RBMS3: variants seen among roughly 807,000 people sequenced by gnomAD.
RBMS3 encodes RNA binding motif single stranded interacting protein 3.
A neutral mutation model predicts 66.8 loss-of-function variants in RBMS3; 27 were observed. The observed-to-expected ratio is 0.40, with a 90% confidence interval of 0.30 to 0.56. The LOEUF is 0.56. Ranked by LOEUF, RBMS3 falls within the 20% of genes least tolerant of loss-of-function variation. The pLI is 0.40. For missense variants in RBMS3, 513 were observed against 549.5 expected, an observed-to-expected ratio of 0.93 and a Z score of 0.66; for synonymous variants, 188 against 183.0, an observed-to-expected ratio of 1.03 and a Z score of -0.22.
At chr3:29,776,635 A>G (rs2056436945) in intron 6 of RBMS3, among the ~76,000 whole-genome samples, 1 of 152,054 alleles carries the variant, frequency 6.6e-6, no homozygotes. Flanking sequence ...GGTAGATAGT[A>G]TTAGTAGCAT....
At chr3:29,837,663 C>CATATATATATATAT (rs3070797) in intron 6 of RBMS3, among the ~76,000 whole-genome samples, 40 of 67,640 alleles carry the variant, frequency 5.9e-4, no homozygotes, top group Non-Finnish European at 8.7e-4. Context: ...ATATAATGAA[C>CATATATATATATAT]ATATATATAT....
intron 3 of RBMS3, among the ~76,000 whole-genome samples, chr3:29,568,709 A>G (rs2046828533): frequency 6.6e-6 from 1 of 152,202 alleles, no homozygotes; most frequent in South Asian, 2.1e-4. Context: ...TTCAACTACA[A>G]CAGTTTTCTC....
chr3:29,615,175 T>G (rs901377671), intron 4 of RBMS3: 2 of 152,498 alleles, frequency 1.3e-5, no homozygotes, highest in African/African-American at 4.8e-5. Context: ...TTTTGATAAC[T>G]GGTTCCAGTT....
chr3:29,396,661 C>T (rs1218308432), intron 1 of RBMS3, among the ~76,000 whole-genome samples: 2 of 152,190 alleles, frequency 1.3e-5, no homozygotes, highest in African/African-American at 2.4e-5. Context: ...CAGAGCAGTA[C>T]ATTTTATTAA....
At chr3:29,476,535 C>A (rs2042954093) in intron 2 of RBMS3, among the ~76,000 whole-genome samples, 1 of 152,116 alleles carries the variant, frequency 6.6e-6, no homozygotes, top group Admixed American at 6.5e-5. Flanking sequence ...TATAGTTCCA[C>A]AAGGATTGAT....
chr3:29,782,030 C>A (rs1010990054), intron 6 of RBMS3, among the ~76,000 whole-genome samples: 2 of 150,552 alleles, frequency 1.3e-5, no homozygotes, highest in East Asian at 2.0e-4. Context: ...CCCTGCCCCC[C>A]ACCTGGTGGT....
chr3:29,810,165 T>C (rs1319882458), intron 6 of RBMS3, among the ~76,000 whole-genome samples: 1 of 152,068 alleles, frequency 6.6e-6, no homozygotes, highest in East Asian at 1.9e-4. Context: ...CAATGTTTCC[T>C]TTAAAAAACA....
chr3:29,822,720 A>G (rs1355782526), intron 6 of RBMS3, among the ~76,000 whole-genome samples: 1 of 152,102 alleles, frequency 6.6e-6, no homozygotes, highest in Non-Finnish European at 1.5e-5. Flanking sequence ...ATTTGATTTG[A>G]TTTCCCATTA....
intron 2 of RBMS3, among the ~76,000 whole-genome samples, chr3:29,477,526 A>G (rs2042988448): frequency 6.6e-6 from 1 of 152,192 alleles, no homozygotes; most frequent in African/African-American, 2.4e-5. Context: ...TTGTTAGGAT[A>G]AGAAAAGATA....
chr3:29,578,929 G>A, intron 3 of RBMS3, among the ~76,000 whole-genome samples: 1 of 144,782 alleles, frequency 6.9e-6, no homozygotes, highest in Non-Finnish European at 1.5e-5. Flanking sequence ...AGCCTCCCGA[G>A]TAGCTGGGAC....
At chr3:29,733,839 C>T (rs998435963) in intron 4 of RBMS3, among the ~76,000 whole-genome samples, 6 of 152,090 alleles carry the variant, frequency 3.9e-5, no homozygotes, top group Admixed American at 6.6e-5. Flanking sequence ...ATCCTAAACC[C>T]TTTCCCTTAT....
rs142530521 is a variant in RBMS3, at chr3:29,286,306, T to C, written c.75+4550T>C. On this transcript the variant is annotated intron_variant, in intron 1 of 14. Transcript: ENST00000383767. ...CTTGTTTCTTAGTTTTGTTTTTTTT[T>C]CTTAACTCCCCCAAGCCTTCATTAT... Among the ~76,000 whole-genome samples the C allele has an allele frequency of 2.7e-3, 409 of 152,168 alleles. No homozygotes were observed. The Middle Eastern group carries it at 0.031, about 11-fold the overall frequency.
chr3:29,302,659 A>G (rs994022953), intron 1 of RBMS3, among the ~76,000 whole-genome samples: 5 of 152,062 alleles, frequency 3.3e-5, no homozygotes, highest in African/African-American at 1.2e-4. Flanking sequence ...AAGGAAGACT[A>G]CGCCACAGAA....
chr3:29,490,950 C>T (rs898494754), intron 3 of RBMS3, among the ~76,000 whole-genome samples: 1 of 152,068 alleles, frequency 6.6e-6, no homozygotes, highest in Admixed American at 6.6e-5. Context: ...ACCTGGAAAC[C>T]TCAATAGATA....
At chr3:29,657,505 A>G (rs2050368085) in intron 4 of RBMS3, among the ~76,000 whole-genome samples, 1 of 152,228 alleles carries the variant, frequency 6.6e-6, no homozygotes, top group Non-Finnish European at 1.5e-5. Context: ...TTTGATGGTG[A>G]CAAGCATGCC....
At chr3:29,448,221 G>C (rs2041899822) in intron 2 of RBMS3, among the ~76,000 whole-genome samples, 1 of 152,168 alleles carries the variant, frequency 6.6e-6, no homozygotes. Context: ...CCAGAAAAAG[G>C]CCATAAGCAG....
Position 30,007,805 on chromosome 3 carries a change from T to A in RBMS3, c.*3943T>A, listed in dbSNP as rs1228902294. ...GGTAGATTTCAACATTTCAGAATGT[T>A]ACCTCCAAATTTCACTTGAATTACT... On this transcript the variant is annotated 3_prime_UTR_variant, in exon 15 of 15. Coordinates refer to ENST00000383767, the MANE Select transcript of RBMS3 (RefSeq NM_001003793.3). The A allele has an allele frequency of 6.6e-6, 1 of 152,052 alleles. No homozygotes were observed. The highest frequency in any genetic ancestry group is 6.6e-5 in the Admixed American group (1 of 15,242). 9.4% of individuals were successfully genotyped at this position (152,052 alleles called of 1,614,324 possible).
At position 29,524,077 on chromosome 3, in the gene RBMS3, T is replaced by G. The variant is rs1019218327; in HGVS notation, c.307+35578T>G. On this transcript the variant is annotated intron_variant, in intron 3 of 14. Transcript: ENST00000383767. Reference sequence around the variant, plus strand: ...AATGCCCAGTACAACCCTATGAGCTTCCTGATAAAATTTTCCAATTCACTT... The same window carrying G: ...AATGCCCAGTACAACCCTATGAGCTGCCTGATAAAATTTTCCAATTCACTT... Among the ~76,000 whole-genome samples, 36 of 152,164 alleles carry G rather than the reference T, an allele frequency of 2.4e-4. No individual in the cohort carries two copies. In the East Asian group the frequency reaches 5.0e-3, roughly 21 times the overall value.
chr3:29,648,223 T>A (rs1025729403), intron 4 of RBMS3, among the ~76,000 whole-genome samples: 23 of 151,284 alleles, frequency 1.5e-4, no homozygotes, highest in Non-Finnish European at 2.9e-4. Flanking sequence ...TATATTTTCA[T>A]TAATCTCTTG....
Sources: allele counts gnomAD v4.1 joint callset (sites outside exome capture counted in the v4.1 genomes callset), GRCh38; gene constraint gnomAD v4.1.1; transcripts MANE v1.5; gene names NCBI Gene and HGNC (gene_info 2026-07-23, HGNC 2026-07-21).